The following ASPRV1 variants were observed in gnomAD, a reference collection of about 807,000 sequenced individuals.
ASPRV1 encodes the protein aspartic peptidase retroviral like 1.
In ASPRV1, 7 loss-of-function variants were observed where a neutral mutation model predicts 11.0. The ratio of observed to expected loss-of-function variants is 0.64; its 90% CI spans 0.36 to 1.20. The LOEUF (loss-of-function observed/expected upper bound fraction) is 1.20, where lower values mean the gene tolerates loss of function less well. Among genes scored for constraint, ASPRV1 ranks in the 50% most tolerant of loss-of-function variants. The pLI is 0.02. For synonymous variants in ASPRV1, 136 were observed against 138.4 expected (o/e 0.98, Z 0.12); for missense variants, 299 against 320.0 (o/e 0.93, Z 0.50).
the ASPRV1 span, among the ~76,000 whole-genome samples, chr2:69,999,655 CAAA>C: frequency 7.4e-5 from 4 of 54,030 alleles, no homozygotes; most frequent in Non-Finnish European, 4.2e-5. Context: ...GACTCTGTCT[CAAA>C]AAAAAAAAAA....
the ASPRV1 span, among the ~76,000 whole-genome samples, chr2:70,016,607 G>A: frequency 6.6e-6 from 1 of 152,134 alleles, no homozygotes; most frequent in Non-Finnish European, 1.5e-5. Context: ...AGCACTTTGG[G>A]AGGCGAAGGC....
the ASPRV1 span, among the ~76,000 whole-genome samples, chr2:70,068,045 C>T: frequency 6.6e-6 from 1 of 152,168 alleles, no homozygotes; most frequent in African/African-American, 2.4e-5. Context: ...AACACCAAGC[C>T]CCCTAAGTCC....
the ASPRV1 span, among the ~76,000 whole-genome samples, chr2:70,036,392 T>C: frequency 1.3e-5 from 2 of 151,860 alleles, no homozygotes; most frequent in Admixed American, 6.6e-5. Flanking sequence ...TAAGCTGTAA[T>C]GGCAATACAA....
chr2:69,985,679 G>T, the ASPRV1 span, among the ~76,000 whole-genome samples: 122 of 152,280 alleles, frequency 8.0e-4, no homozygotes, highest in Admixed American at 6.8e-3. Context: ...AATGCATATG[G>T]GGCACTGACT....
At chr2:69,997,307 C>T in the ASPRV1 span, among the ~76,000 whole-genome samples, 30 of 152,228 alleles carry the variant, frequency 2.0e-4, no homozygotes, top group Middle Eastern at 3.4e-3. Flanking sequence ...CCATCTCCTC[C>T]GCACCAACAT....
the ASPRV1 span, among the ~76,000 whole-genome samples, chr2:70,065,819 C>CAAAA: frequency 1.0e-3 from 69 of 67,422 alleles, no homozygotes; most frequent in Non-Finnish European, 1.2e-3. Flanking sequence ...GCTTTTGACT[C>CAAAA]AAAAAAAAAA....
chr2:69,970,932 C>A, the ASPRV1 span: 1 of 152,142 alleles, frequency 6.6e-6, no homozygotes, highest in East Asian at 1.9e-4. Context: ...TTTGGAAGGC[C>A]GAGGCGGGCA....
chr2:70,005,351 T>C, the ASPRV1 span, among the ~76,000 whole-genome samples: 1 of 152,164 alleles, frequency 6.6e-6, no homozygotes, highest in African/African-American at 2.4e-5. Flanking sequence ...TGAGCCACCA[T>C]GTGCACCCAG....
At chr2:70,057,849 A>G in the ASPRV1 span, among the ~76,000 whole-genome samples, 1 of 151,238 alleles carries the variant, frequency 6.6e-6, no homozygotes, top group Non-Finnish European at 1.5e-5. Context: ...GCTGAAATGC[A>G]GTGGCACAAT....
the ASPRV1 span, among the ~76,000 whole-genome samples, chr2:69,995,052 C>T: frequency 6.6e-6 from 1 of 150,416 alleles, no homozygotes; most frequent in Admixed American, 6.7e-5. Flanking sequence ...AGAATAATAT[C>T]CAAGCACATC....
At chr2:70,072,880 T>G in the ASPRV1 span, among the ~76,000 whole-genome samples, 1 of 146,580 alleles carries the variant, frequency 6.8e-6, no homozygotes, top group African/African-American at 2.6e-5. Context: ...AGTGAAACCT[T>G]GTCTCTATAA....
chr2:69,957,782 C>T (rs1342570986), downstream of ASPRV1, among the ~76,000 whole-genome samples: 4 of 152,110 alleles, frequency 2.6e-5, no homozygotes, highest in Non-Finnish European at 5.9e-5. Flanking sequence ...AAGCCTGCTG[C>T]ACTTTGGGAC....
chr2:69,987,582 C>CAAAAAAAAAA, the ASPRV1 span, among the ~76,000 whole-genome samples: 2 of 48,372 alleles, frequency 4.1e-5, no homozygotes, highest in African/African-American at 6.7e-5. Context: ...CTCATCTCTA[C>CAAAAAAAAAA]AAAAAAAAAA....
chr2:69,968,927 A>G, the ASPRV1 span, among the ~76,000 whole-genome samples: 1 of 151,760 alleles, frequency 6.6e-6, no homozygotes, highest in South Asian at 2.1e-4. Context: ...TGTCATGTAC[A>G]CTCTTTTCCT....
the ASPRV1 span, among the ~76,000 whole-genome samples, chr2:70,007,829 A>T: frequency 6.6e-6 from 1 of 151,850 alleles, no homozygotes; most frequent in Admixed American, 6.6e-5. Flanking sequence ...TACTATGAGT[A>T]TGTATTTTTA....
the ASPRV1 span, among the ~76,000 whole-genome samples, chr2:69,994,739 T>G: frequency 6.6e-6 from 1 of 152,130 alleles, no homozygotes; most frequent in Non-Finnish European, 1.5e-5. Flanking sequence ...GGCTTATGCC[T>G]GTAATCCCAG....
chr2:69,956,932 C>T (rs995296369), downstream of ASPRV1, among the ~76,000 whole-genome samples: 2 of 152,060 alleles, frequency 1.3e-5, no homozygotes, highest in Non-Finnish European at 1.5e-5. Context: ...ACTGGCCAGG[C>T]GTCCTCAAAA....
chr2:69,964,251 C>A (rs778616641), upstream of ASPRV1: 3 of 394,210 alleles, frequency 7.6e-6, no homozygotes, highest in South Asian at 1.8e-5. Context: ...TCCTTCCCCA[C>A]AATCTTTAGA....
the ASPRV1 span, among the ~76,000 whole-genome samples, chr2:70,021,650 A>G: frequency 6.6e-6 from 1 of 151,092 alleles, no homozygotes; most frequent in East Asian, 2.0e-4. Flanking sequence ...CTGCTGTCCA[A>G]TATAGTACCT....
Sources: gnomAD v4.1 joint callset for allele counts (sites outside exome capture counted in the v4.1 genomes callset) on GRCh38, gnomAD v4.1.1 for gene constraint, MANE v1.5 for transcripts, NCBI Gene and HGNC (gene_info 2026-07-23, HGNC 2026-07-21) for gene names.